The following ZNF33B variants were observed in gnomAD, a reference collection of about 807,000 sequenced individuals.
ZNF33B encodes zinc finger protein 11b (KOX 2).
A neutral mutation model predicts 45.8 loss-of-function variants in ZNF33B; 29 were observed. The ratio of observed to expected loss-of-function variants is 0.63; its 90% confidence interval spans 0.47 to 0.86. The LOEUF (loss-of-function observed/expected upper bound fraction) is 0.86, where lower values mean the gene tolerates loss of function less well. ZNF33B is among the 40% of genes least tolerant of loss of function. The pLI is 0.00. For missense variants in ZNF33B, 831 were observed against 909.9 expected (o/e 0.91, Z 1.12); for synonymous variants, 305 against 307.8 (o/e 0.99, Z 0.10).
At chr10:42,626,655 TC>T (rs1362167386) in intron 4 of ZNF33B, among the ~76,000 whole-genome samples, 1 of 151,472 alleles carries the variant, frequency 6.6e-6, no homozygotes, top group Non-Finnish European at 1.5e-5. Flanking sequence ...ACCACTGCAC[TC>T]CAGCCTGGGT....
chr10:42,575,562 C>T (rs1836735917), intron 1 of ZNF33B, among the ~76,000 whole-genome samples: 1 of 151,984 alleles, frequency 6.6e-6, no homozygotes, highest in African/African-American at 2.4e-5. Context: ...AATTTGCATT[C>T]ATTTCTTTCA....
At chr10:42,607,769 A>G (rs577088911) in intron 4 of ZNF33B, among the ~76,000 whole-genome samples, 4 of 152,322 alleles carry the variant, frequency 2.6e-5, no homozygotes, top group Admixed American at 2.6e-4. Context: ...GAACCTTTGT[A>G]AATCCTGAAA....
intron 4 of ZNF33B, among the ~76,000 whole-genome samples, chr10:42,629,864 T>C (rs570349123): frequency 6.6e-6 from 1 of 152,314 alleles, no homozygotes; most frequent in South Asian, 2.1e-4. Context: ...GGTATTAAAA[T>C]GTACATATGT....
At chr10:42,623,506 A>T (rs1276326871) in intron 4 of ZNF33B, among the ~76,000 whole-genome samples, 1 of 152,246 alleles carries the variant, frequency 6.6e-6, no homozygotes, top group Admixed American at 6.5e-5. Flanking sequence ...GCCAGAAAAG[A>T]AAGTCTTGAT....
rs916666144 is a variant in ZNF33B, at chr10:42,591,518, G to A, written c.*1095C>T. The A allele has an allele frequency of 8.8e-5, 32 of 361,776 alleles. No homozygotes were observed. The highest frequency in any genetic ancestry group is 5.3e-4 in the African/African-American group (24 of 45,538). 22.4% of individuals were successfully genotyped at this position (361,776 alleles called of 1,614,324 possible). Reference sequence around the variant, plus strand: ...CTCTATTTAAATTGTTTCAGGACACGACAAACACCTGGGATGGGCCTGATG... The same window carrying A: ...CTCTATTTAAATTGTTTCAGGACACAACAAACACCTGGGATGGGCCTGATG... On this transcript the variant is annotated 3_prime_UTR_variant, in exon 5 of 5. Transcript: ENST00000359467.
chr10:42,618,786 A>G (rs1353125474), intron 4 of ZNF33B, among the ~76,000 whole-genome samples: 2 of 151,254 alleles, frequency 1.3e-5, no homozygotes, highest in African/African-American at 2.4e-5. Flanking sequence ...TTCCCTTTCT[A>G]TTCTCTCATA....
intron 4 of ZNF33B, among the ~76,000 whole-genome samples, chr10:42,611,330 G>C (rs1838088869): frequency 6.6e-6 from 1 of 151,730 alleles, no homozygotes; most frequent in South Asian, 2.1e-4. Flanking sequence ...GACGGAGTGA[G>C]ACTCCGTCTC....
At position 42,592,117 on chromosome 10, in the gene ZNF33B, C is replaced by G. The variant is rs145399316; in HGVS notation, c.*496G>C. ...GAATTCTCTGTACTCATTACAACTT[C>G]TTGTGAGGTTATTTTAATTATTACT... On this transcript the variant is annotated 3_prime_UTR_variant, in exon 5 of 5. Coordinates refer to ENST00000359467, the MANE Select transcript of ZNF33B (RefSeq NM_006955.3). The G allele has an allele frequency of 4.9e-5, 8 of 162,142 alleles. No homozygotes were observed. The East Asian group carries it at 1.5e-3, about 31-fold the overall frequency. 10.0% of individuals were successfully genotyped at this position (162,142 alleles called of 1,614,324 possible).
intron 4 of ZNF33B, among the ~76,000 whole-genome samples, chr10:42,630,870 C>G (rs1202203273): frequency 1.3e-5 from 2 of 152,156 alleles, no homozygotes; most frequent in African/African-American, 4.8e-5. Context: ...AGCTGCCTCC[C>G]TCACCTCACC....
intron 4 of ZNF33B, among the ~76,000 whole-genome samples, chr10:42,600,365 A>C (rs1415375588): frequency 5.3e-5 from 8 of 152,064 alleles, no homozygotes; most frequent in African/African-American, 1.9e-4. Context: ...ATATTTTGCA[A>C]ATCTGTTACT....
intron 4 of ZNF33B, chr10:42,605,401 C>A (rs1286123122): frequency 1.3e-5 from 2 of 151,620 alleles, no homozygotes; most frequent in African/African-American, 4.8e-5. Flanking sequence ...TCTTCAGAGA[C>A]AGTAGAGGCC....
At chr10:42,602,726 C>T (rs1191958425) in intron 4 of ZNF33B, among the ~76,000 whole-genome samples, 1 of 152,120 alleles carries the variant, frequency 6.6e-6, no homozygotes, top group Admixed American at 6.5e-5. Flanking sequence ...ACACTCTACC[C>T]AATACTCTGA....
At chr10:42,636,865 A>G in intron 2 of ZNF33B, 55 bp downstream of exon 2, 1 of 1,612,052 alleles carries the variant, frequency 6.2e-7, no homozygotes, top group Non-Finnish European at 8.5e-7. Flanking sequence ...ACTGACTCTT[A>G]CAAATCTCAC....
downstream of ZNF33B, among the ~76,000 whole-genome samples, chr10:42,585,641 G>C (rs1255186474): frequency 6.6e-6 from 1 of 152,202 alleles, no homozygotes; most frequent in East Asian, 1.9e-4. Flanking sequence ...CATGTAGACA[G>C]AGAACATGAC....
In ZNF33B at chr10:42,589,278, T is replaced by C. The variant is rs10900253; in HGVS notation, c.*3335A>G. 27,710 of 152,208 alleles carry C rather than the reference T, an allele frequency of 0.18. 3,976 individuals carry two copies. The highest frequency in any genetic ancestry group is 0.39 in the African/African-American group (16,348 of 41,496). 9.4% of individuals were successfully genotyped at this position (152,208 alleles called of 1,614,324 possible). A position where few individuals can be genotyped will look rare whatever the true frequency, so the allele number is the denominator to read the frequency against. On this transcript the variant is annotated 3_prime_UTR_variant, in exon 5 of 5. Transcript: ENST00000359467. ...TAACATCTTGCATCATTATGGTTCA[T>C]TTGTTACAATTGATGAGCCAATAGT...
chr10:42,593,936 G>C lies in ZNF33B; in HGVS notation c.1014C>G (p.Phe338Leu), dbSNP rs1246063625. The change falls in exon 5 of 5, where the codon TTC becomes TTG. Residue 338 changes from phenylalanine (F) to leucine (L), a missense_variant. Transcript: ENST00000359467. The stretch of plus-strand genomic sequence containing the variant: ...GTCGAGTGAGATGTGACTTCTCCCA[G>C]AAAGCTTTCCCACATTCATTACATT... Reference protein sequence around the residue: ...HFECNECGKAFWEKSHLTRHQ... With the variant: ...HFECNECGKALWEKSHLTRHQ... 3.1e-6 allele frequency: 5 copies of C among 1,613,916 alleles called. No homozygotes were observed. In the East Asian group the frequency reaches 6.7e-5, roughly 22 times the overall value.
downstream of ZNF33B, among the ~76,000 whole-genome samples, chr10:42,585,838 T>A (rs1028828120): frequency 6.6e-6 from 1 of 152,232 alleles, no homozygotes; most frequent in African/African-American, 2.4e-5. Context: ...ATTCAAGTGG[T>A]ACCCATGGAT....
chr10:42,598,487 T>C (rs956686072), intron 4 of ZNF33B, among the ~76,000 whole-genome samples: 2 of 152,236 alleles, frequency 1.3e-5, no homozygotes, highest in African/African-American at 4.8e-5. Context: ...AGTAGGGCAC[T>C]GCCTCTCAAG....
intron 4 of ZNF33B, among the ~76,000 whole-genome samples, chr10:42,622,215 A>C (rs2132130333): frequency 6.6e-6 from 1 of 152,354 alleles, no homozygotes; most frequent in Non-Finnish European, 1.5e-5. Context: ...ACAGTATCTC[A>C]TGTTCACAGT....
Sources: allele counts gnomAD v4.1 joint callset (sites outside exome capture counted in the v4.1 genomes callset), GRCh38; gene constraint gnomAD v4.1.1; transcripts MANE v1.5; gene names NCBI Gene and HGNC (gene_info 2026-07-23, HGNC 2026-07-21).